MMS19: variants seen among roughly 807,000 people sequenced by gnomAD.
MMS19 encodes the protein MMS19 nucleotide excision repair protein homolog.
In MMS19, 77 loss-of-function variants were observed where a neutral mutation model predicts 129.8. The ratio of observed to expected loss-of-function variants is 0.59; its 90% CI spans 0.49 to 0.72. The LOEUF is 0.72. Ranked by LOEUF, MMS19 falls within the 30% of genes least tolerant of loss-of-function variation. The pLI is 0.00. For synonymous variants in MMS19, 491 were observed against 502.8 expected (o/e 0.98, Z 0.31); for missense variants, 1,168 against 1,266.3 (o/e 0.92, Z 1.18).
chr10:97,483,992 G>T, intron 2 of MMS19, 111 bp downstream of exon 2: 1 of 696,516 alleles, frequency 1.4e-6, no homozygotes. Flanking sequence ...GAAGGGGGCT[G>T]CTGGGCTACA....
chr10:97,460,374 G>A lies in MMS19; in HGVS notation c.2470-142C>T, dbSNP rs1001752296. 9.3e-5 allele frequency: 69 copies of A among 740,984 alleles called. No individual in the cohort carries two copies. The African/African-American group carries it at 1.2e-3, about 13-fold the overall frequency. The allele number at this position is 740,984 out of a possible 1,614,324, so 45.9% of individuals were successfully genotyped here. On this transcript the variant is annotated intron_variant, in intron 25 of 30. Transcript: ENST00000438925. ...AGGCAGGTGGACTGCTTGAGTCTAG[G>A]AGTCTGGGCAACATGGCCAAACCCA...
intron 8 of MMS19, among the ~76,000 whole-genome samples, chr10:97,471,331 A>G (rs142879857): frequency 1.3e-5 from 2 of 152,148 alleles, no homozygotes; most frequent in Non-Finnish European, 2.9e-5. Context: ...GTTTATCTAG[A>G]TAATTCCTTG....
intron 1 of MMS19, among the ~76,000 whole-genome samples, chr10:97,492,820 C>T (rs1194238019): frequency 6.9e-6 from 1 of 144,620 alleles, no homozygotes; most frequent in Non-Finnish European, 1.5e-5. Context: ...GATCGCGCCA[C>T]TGCACACCAG....
chr10:97,461,358 C>T, intron 23 of MMS19, 138 bp downstream of exon 23: 1 of 1,078,372 alleles, frequency 9.3e-7, no homozygotes, highest in Non-Finnish European at 1.3e-6. Flanking sequence ...CACGGGCAGT[C>T]CCAGGACAGT....
At chr10:97,463,198 A>T (rs918555157) in intron 19 of MMS19, among the ~76,000 whole-genome samples, 1 of 138,948 alleles carries the variant, frequency 7.2e-6, no homozygotes, top group Admixed American at 7.6e-5. Flanking sequence ...CAGGAACAGG[A>T]TCTCGCTCTG....
chr10:97,476,530 AAAT>A (rs1295336594), intron 8 of MMS19, among the ~76,000 whole-genome samples, 150 bp downstream of exon 8: 1 of 152,188 alleles, frequency 6.6e-6, no homozygotes, highest in Admixed American at 6.5e-5. Context: ...CTCATATGTC[AAAT>A]GCTTTTCCAT....
chr10:97,466,288 C>T (rs753255645), intron 16 of MMS19, 129 bp from the exon 17 acceptor site: 76 of 800,878 alleles, frequency 9.5e-5, no homozygotes, highest in Admixed American at 3.8e-4. Context: ...AACTCAAGTA[C>T]CTACACCACT....
intron 19 of MMS19, 135 bp downstream of exon 19, chr10:97,463,723 C>T (rs2032675202): frequency 4.5e-6 from 4 of 880,468 alleles, no homozygotes; most frequent in Admixed American, 2.8e-5. Flanking sequence ...TGAAATCTCA[C>T]TCTGAGGACA....
rs867698842 is a variant in MMS19, at chr10:97,484,103, C to T, written c.161G>A (p.Gly54Glu). 1 of 1,544,292 alleles carries T rather than the reference C, an allele frequency of 6.5e-7. No individual in the cohort carries two copies. The highest frequency in any genetic ancestry group is 8.8e-7 in the Non-Finnish European group (1 of 1,137,614). The change falls in exon 2 of 31, where the codon GGG becomes GAG. Residue 54 changes from glycine (G) to glutamate (E), a missense_variant and splice_region_variant. This residue lies in a region of MMS19 where 329 missense variants were observed against 328.6 expected (regional missense o/e 1.00). Transcript: ENST00000438925. Reference sequence around the variant, plus strand: ...AACATTCTATAGCAGAGGCTCTTACCCAAGGGCTTCCACAACTTGTAACAC... The same window carrying T: ...AACATTCTATAGCAGAGGCTCTTACTCAAGGGCTTCCACAACTTGTAACAC... ...YTVLQVVEAL[G>E]SSLENPEPRT...
intron 6 of MMS19, 165 bp downstream of exon 6, chr10:97,477,182 C>CT: frequency 3.4e-6 from 5 of 1,480,624 alleles, no homozygotes; most frequent in Non-Finnish European, 4.5e-6. Flanking sequence ...AAACTCTACC[C>CT]TTTCTTTACT....
At chr10:97,495,640 C>T (rs1216184023) in intron 1 of MMS19, among the ~76,000 whole-genome samples, 1 of 152,236 alleles carries the variant, frequency 6.6e-6, no homozygotes, top group South Asian at 2.1e-4. Flanking sequence ...TTATGGCTCC[C>T]TGGCTCAAGG....
chr10:97,472,015 T>C (rs1353196367), intron 8 of MMS19, among the ~76,000 whole-genome samples: 1 of 151,442 alleles, frequency 6.6e-6, no homozygotes, highest in Non-Finnish European at 1.5e-5. Flanking sequence ...TCAAGAAAAA[T>C]TTACAGGACT....
intron 2 of MMS19, among the ~76,000 whole-genome samples, chr10:97,482,011 C>CA (rs1163796821): frequency 1.3e-5 from 2 of 151,934 alleles, no homozygotes; most frequent in African/African-American, 4.8e-5. Flanking sequence ...CCTGTCTCTA[C>CA]AAAAAATACA....
rs1023999269 is a variant in MMS19, at chr10:97,465,722, T to C, written c.1756+83A>G. On this transcript the variant is annotated intron_variant, in intron 18 of 30. Transcript: ENST00000438925. ...AAGAGTTGATTCTGTTACTCTTATG[T>C]ATAGCTACAGCTAGAACCACTGCCT... 1.7e-5 allele frequency: 22 copies of C among 1,328,626 alleles called. No individual in the cohort carries two copies. In the African/African-American group the frequency reaches 2.4e-4, roughly 14 times the overall value. 82.3% of individuals were successfully genotyped at this position (1,328,626 alleles called of 1,614,324 possible). A position where few individuals can be genotyped will look rare whatever the true frequency, so the allele number is the denominator to read the frequency against.
chr10:97,488,842 G>C (rs1183110487), intron 1 of MMS19, among the ~76,000 whole-genome samples: 1 of 152,154 alleles, frequency 6.6e-6, no homozygotes, highest in East Asian at 1.9e-4. Flanking sequence ...AGCATTATTC[G>C]TAACAGTAAA....
At position 97,498,309 on chromosome 10, in the gene MMS19, C is replaced by T; in HGVS notation, c.76G>A (p.Gly26Ser). Residue 26 changes from glycine to serine, a missense_variant, in exon 1 of 31, where the codon GGT becomes AGT. Gly to Ser is a moderately conservative substitution (Grantham distance 56). This residue lies in a region of MMS19 where 329 missense variants were observed against 328.6 expected (regional missense o/e 1.00). Coordinates refer to ENST00000438925, the MANE Select transcript of MMS19 (RefSeq NM_022362.5). ...LWGLVHDFVV[G>S]QQEGPADQVA... ...TGGTCAGCGGGGCCCTCTTGCTGAC[C>T]CACGACGAAGTCGTGCACGAGGCCC... The T allele has an allele frequency of 6.4e-7, 1 of 1,572,756 alleles. No individual in the cohort carries two copies.
chr10:97,469,955 G>T (rs1410153001), intron 10 of MMS19, among the ~76,000 whole-genome samples, 174 bp downstream of exon 10: 1 of 152,188 alleles, frequency 6.6e-6, no homozygotes, highest in Non-Finnish European at 1.5e-5. Flanking sequence ...TGGGATGGGG[G>T]ATGGGACACG....
chr10:97,470,855 T>C lies in MMS19; in HGVS notation c.691A>G (p.Asn231Asp), dbSNP rs1386811408. 2 of 1,613,582 alleles carry C rather than the reference T, an allele frequency of 1.2e-6. No homozygotes were observed. Among genetic ancestry groups the C allele is most frequent in the Non-Finnish European group, 1.7e-6 (2 of 1,179,672 alleles). ...TCTCTCTGGATACCATGGGGATCAT[T>C]AGGTGGCTGGAAAAGGGAGAAGGGC... ...YFPIDFTPPP[N>D]DPHGIQREDL... Residue 231 changes from asparagine to aspartate, a missense_variant, in exon 9 of 31, where the codon AAT becomes GAT. Coordinates refer to ENST00000438925, the MANE Select transcript of MMS19 (RefSeq NM_022362.5).
In MMS19 at chr10:97,476,920, C is replaced by A; in HGVS notation, c.537G>T (p.Gln179His). ...LGADFTFGFI[Q>H]VMDGEKDPRN... is the part of the protein sequence containing the mutation. ...GGGGATCCTTTTCCCCATCCATCACCTGGATGAAGCCAAAGGTGAAGTCAG... is the reference window on the plus strand; with the variant it reads ...GGGGATCCTTTTCCCCATCCATCACATGGATGAAGCCAAAGGTGAAGTCAG... Residue 179 changes from glutamine to histidine, a missense_variant, in exon 7 of 31, where the codon CAG (glutamine) becomes CAT (histidine). Transcript: ENST00000438925. 1.9e-6 allele frequency: 3 copies of A among 1,613,942 alleles called. No homozygotes were observed. The highest frequency in any genetic ancestry group is 2.5e-6 in the Non-Finnish European group (3 of 1,179,852).
Sources: allele counts gnomAD v4.1 joint callset (sites outside exome capture counted in the v4.1 genomes callset), GRCh38; gene constraint gnomAD v4.1.1; regional missense constraint gnomAD v4.1.1; transcripts MANE v1.5; gene names NCBI Gene and HGNC (gene_info 2026-07-23, HGNC 2026-07-21).